Variants in HECW1 observed in about 807,000 individuals in gnomAD.
HECW1 encodes the protein E3 ubiquitin-protein ligase HECW1.
In HECW1, 61 loss-of-function variants were observed where a neutral mutation model predicts 182.3. The ratio of observed to expected loss-of-function variants is 0.33; its 90% CI spans 0.27 to 0.41. The LOEUF (loss-of-function observed/expected upper bound fraction) is 0.41. HECW1 is among the 10% of genes least tolerant of loss of function. HECW1 has a pLI of 1.00. For synonymous variants in HECW1, 859 were observed against 832.6 expected (o/e 1.03, Z -0.55); for missense variants, 1,739 against 2,108.9 (o/e 0.82, Z 3.44).
At chr7:43,262,143 C>T (rs1801241017) in intron 3 of HECW1, among the ~76,000 whole-genome samples, 1 of 152,106 alleles carries the variant, frequency 6.6e-6, no homozygotes, top group African/African-American at 2.4e-5. Context: ...ATTGCTTGAA[C>T]CCAGGAGATG....
intron 5 of HECW1, among the ~76,000 whole-genome samples, chr7:43,356,580 G>C (rs1318791084): frequency 6.6e-6 from 1 of 152,154 alleles, no homozygotes; most frequent in Admixed American, 6.5e-5. Context: ...CTCAACTGCT[G>C]CAGAATACAC....
chr7:43,343,210 C>T (rs1813233521), intron 5 of HECW1, among the ~76,000 whole-genome samples: 1 of 151,184 alleles, frequency 6.6e-6, no homozygotes, highest in African/African-American at 2.5e-5. Context: ...TAAAAACTTG[C>T]CATGATGTTC....
intron 17 of HECW1, among the ~76,000 whole-genome samples, chr7:43,488,434 GAGAAAGAAAGAA>G (rs796394625): frequency 0.013 from 1,243 of 93,132 alleles, 25 homozygotes; most frequent in South Asian, 0.037. Flanking sequence ...AAGAAAGAAA[GAGAAAGAAAGAA>G]AGAAAGAAAG....
chr7:43,185,419 A>G (rs1329711807), intron 2 of HECW1, among the ~76,000 whole-genome samples: 1 of 149,042 alleles, frequency 6.7e-6, no homozygotes, highest in Non-Finnish European at 1.5e-5. Context: ...TGTCTCAATT[A>G]TAGGTGACAG....
At chr7:43,464,389 A>G (rs952195744) in intron 14 of HECW1, among the ~76,000 whole-genome samples, 1 of 152,204 alleles carries the variant, frequency 6.6e-6, no homozygotes, top group South Asian at 2.1e-4. Context: ...TTTTCCCACT[A>G]CAGTAGGCAT....
intron 5 of HECW1, among the ~76,000 whole-genome samples, chr7:43,339,653 G>A (rs1318988238): frequency 6.6e-6 from 1 of 152,132 alleles, no homozygotes; most frequent in Admixed American, 6.5e-5. Context: ...ATACACTTGA[G>A]TTACTTTAGG....
At chr7:43,195,617 A>G (rs547634053) in intron 2 of HECW1, among the ~76,000 whole-genome samples, 2 of 152,290 alleles carry the variant, frequency 1.3e-5, no homozygotes, top group South Asian at 4.1e-4. Flanking sequence ...TACCAGTAGG[A>G]CCTGGACTCA....
At chr7:43,213,703 C>T (rs565701412) in intron 2 of HECW1, among the ~76,000 whole-genome samples, 11 of 152,162 alleles carry the variant, frequency 7.2e-5, no homozygotes, top group African/African-American at 2.4e-4. Context: ...CCTCAGCCTC[C>T]AAAAGTGCTG....
At chr7:43,157,295 T>G (rs1053682636) in intron 2 of HECW1, among the ~76,000 whole-genome samples, 1 of 152,234 alleles carries the variant, frequency 6.6e-6, no homozygotes, top group Non-Finnish European at 1.5e-5. Flanking sequence ...TTCCAGTAGA[T>G]TCTATCAAAC....
At chr7:43,123,183 A>G (rs1356036663) in intron 2 of HECW1, among the ~76,000 whole-genome samples, 2 of 152,340 alleles carry the variant, frequency 1.3e-5, no homozygotes, top group East Asian at 3.9e-4. Flanking sequence ...GGCCATTACC[A>G]CGATGAATGA....
intron 6 of HECW1, among the ~76,000 whole-genome samples, chr7:43,396,454 C>T (rs2075235064): frequency 6.6e-6 from 1 of 152,216 alleles, no homozygotes; most frequent in Non-Finnish European, 1.5e-5. Flanking sequence ...TAGTAAACAT[C>T]TATTGACCTA....
Position 43,374,570 on chromosome 7 carries a change from C to T in HECW1, c.555+13590C>T, listed in dbSNP as rs530651017. Among the ~76,000 whole-genome samples, 13 of 51,880 alleles carry T rather than the reference C, an allele frequency of 2.5e-4. 2 individuals are homozygous for T. The highest frequency in any genetic ancestry group is 7.9e-4 in the African/African-American group (4 of 5,038). 34.0% of individuals were successfully genotyped at this position (51,880 alleles called of 152,430 possible). A position where few individuals can be genotyped will look rare whatever the true frequency, so the allele number is the denominator to read the frequency against. On this transcript the variant is annotated intron_variant, in intron 6 of 29. Coordinates refer to ENST00000395891, the MANE Select transcript of HECW1 (RefSeq NM_015052.5). Reference sequence around the variant, plus strand: ...CGGGCGGATCACGAGGTCAGGAGATCGAGACCATCCCGGCTAAAACGGTGA... The same window carrying T: ...CGGGCGGATCACGAGGTCAGGAGATTGAGACCATCCCGGCTAAAACGGTGA...
intron 24 of HECW1, among the ~76,000 whole-genome samples, chr7:43,537,103 C>T (rs1390535189): frequency 6.6e-6 from 1 of 152,180 alleles, no homozygotes; most frequent in East Asian, 1.9e-4. Flanking sequence ...CAGGGGTGGC[C>T]TGCAACATCG....
chr7:43,211,647 G>A (rs139292531), intron 2 of HECW1, among the ~76,000 whole-genome samples: 40 of 152,308 alleles, frequency 2.6e-4, no homozygotes, highest in African/African-American at 9.6e-4. Context: ...GAATAAACCT[G>A]TGTTCATAAT....
chr7:43,135,004 T>C (rs1002859303), intron 2 of HECW1, among the ~76,000 whole-genome samples: 1 of 152,234 alleles, frequency 6.6e-6, no homozygotes, highest in African/African-American at 2.4e-5. Flanking sequence ...CTGATTTGCC[T>C]ACTCTGTGAA....
intron 6 of HECW1, among the ~76,000 whole-genome samples, chr7:43,382,234 C>T (rs147312699): frequency 0.012 from 1,857 of 151,528 alleles, 42 homozygotes; most frequent in African/African-American, 0.043. Context: ...TGCAGTGAGC[C>T]GAGATCGCGC....
intron 15 of HECW1, 56 bp from the exon 16 acceptor site, chr7:43,468,864 C>A: frequency 6.6e-7 from 1 of 1,515,368 alleles, no homozygotes; most frequent in Non-Finnish European, 9.1e-7. Context: ...AGTGTGCTTG[C>A]TCTATGTTTT....
At chr7:43,462,296 C>G (rs1174042132) in intron 13 of HECW1, among the ~76,000 whole-genome samples, 5 of 152,102 alleles carry the variant, frequency 3.3e-5, no homozygotes, top group African/African-American at 9.7e-5. Flanking sequence ...CCCAGCTGCT[C>G]TCCACAGCTC....
intron 5 of HECW1, among the ~76,000 whole-genome samples, chr7:43,328,566 C>T (rs1370643551): frequency 6.6e-6 from 1 of 152,172 alleles, no homozygotes; most frequent in South Asian, 2.1e-4. Context: ...GAAGACAAGA[C>T]GCAGGCGTGC....
Sources: allele counts gnomAD v4.1 joint callset (sites outside exome capture counted in the v4.1 genomes callset), GRCh38; gene constraint gnomAD v4.1.1; transcripts MANE v1.5; gene names NCBI Gene and HGNC (gene_info 2026-07-23, HGNC 2026-07-21).